The following COL15A1 variants were observed in gnomAD, a reference collection of about 807,000 sequenced individuals.
COL15A1 encodes collagen type XV alpha 1 chain, also known as collagen alpha-1(XV) chain.
Under a neutral mutation model 165.9 loss-of-function variants are expected in COL15A1, and 111 were observed. That is an observed-to-expected ratio of 0.67 (90% CI 0.57 to 0.78). The LOEUF (loss-of-function observed/expected upper bound fraction) is 0.78. Among genes scored for constraint, COL15A1 ranks in the 30% least tolerant of loss-of-function variants. The pLI is 0.00. For missense variants in COL15A1, 1,745 were observed against 1,789.7 expected (o/e 0.98, Z 0.45); for synonymous variants, 659 against 674.8 (o/e 0.98, Z 0.36).
chr9:98,947,182 G>A (rs1032676653), intron 2 of COL15A1, among the ~76,000 whole-genome samples: 4 of 152,006 alleles, frequency 2.6e-5, no homozygotes, highest in Admixed American at 2.6e-4. Flanking sequence ...AACAAATGAG[G>A]TGTATCCATT....
intron 8 of COL15A1, among the ~76,000 whole-genome samples, chr9:99,004,076 G>A (rs1838715894): frequency 6.6e-6 from 1 of 152,214 alleles, no homozygotes; most frequent in South Asian, 2.1e-4. Context: ...CAGCATACCT[G>A]TGGGGTCAAG....
intron 2 of COL15A1, among the ~76,000 whole-genome samples, chr9:98,945,381 C>G (rs757153409): frequency 6.6e-6 from 1 of 152,168 alleles, no homozygotes; most frequent in Admixed American, 6.5e-5. Context: ...AGGCTCTTGC[C>G]CTTGCTCAGC....
chr9:99,018,668 G>A (rs1055999196), intron 11 of COL15A1, among the ~76,000 whole-genome samples: 16 of 152,148 alleles, frequency 1.1e-4, no homozygotes, highest in African/African-American at 3.9e-4. Flanking sequence ...TTCAAACAAT[G>A]GAACATTATG....
rs1838737494 is a variant in COL15A1, at chr9:99,005,178, C to T, written c.1353+128C>T. On this transcript the variant is annotated intron_variant, in intron 9 of 41. Transcript: ENST00000375001. ...GCACGGGGATCTCTGACCAAATACT[C>T]ACTTGGGGGTGGAGTTTGCCAAGGC... 11 of 978,216 alleles carry T rather than the reference C, an allele frequency of 1.1e-5. No homozygotes were observed. The South Asian group carries it at 1.7e-4, about 15-fold the overall frequency. The allele number at this position is 978,216 out of a possible 1,614,324, so 60.6% of individuals were successfully genotyped here.
rs1033048662 is a variant in COL15A1 at position 99,069,693 on chromosome 9, A to G, written c.3974A>G (p.His1325Arg). 1.0e-5 allele frequency: 16 copies of G among 1,603,116 alleles called. No individual in the cohort carries two copies. The highest frequency in any genetic ancestry group is 1.4e-5 in the Non-Finnish European group (16 of 1,170,944). ...DPSWPQKVIW[H>R]GSSPHGVRLV... Reference sequence around the variant, plus strand: ...TATAGGCCCCAGAAAGTCATTTGGCATGGCTCCAGCCCCCATGGCGTCCGC... The same window carrying G: ...TATAGGCCCCAGAAAGTCATTTGGCGTGGCTCCAGCCCCCATGGCGTCCGC... Residue 1325 changes from histidine (H) to arginine (R), a missense_variant, in exon 42 of 42, where the codon CAT (histidine) becomes CGT (arginine). His to Arg is a conservative substitution (Grantham distance 29, BLOSUM62 0). Transcript: ENST00000375001.
Position 99,055,335 on chromosome 9 carries a change from C to A in COL15A1, c.3155C>A (p.Ser1052Tyr), listed in dbSNP as rs149844223. The stretch of plus-strand genomic sequence containing the variant: ...GACATTAATGGCAGCTTCCTTATGT[C>A]TGGGCCTCCAGGCCTGCCCGGAAAT... ...KGDINGSFLM[S>Y]GPPGLPGNPG... Residue 1052 changes from serine (S) to tyrosine (Y), a missense_variant, in exon 34 of 42, where the codon TCT becomes TAT. Ser to Tyr is a moderately radical substitution (Grantham distance 144, BLOSUM62 -2). Transcript: ENST00000375001. The A allele has an allele frequency of 1.2e-6, 2 of 1,613,838 alleles. No homozygotes were observed. The highest frequency in any genetic ancestry group is 1.7e-6 in the Non-Finnish European group (2 of 1,179,716).
chr9:98,963,922 T>C (rs1837906663), intron 2 of COL15A1, among the ~76,000 whole-genome samples: 1 of 152,104 alleles, frequency 6.6e-6, no homozygotes, highest in Admixed American at 6.5e-5. Context: ...TAGTCATTTG[T>C]GAATGAACAA....
In COL15A1 at chr9:99,032,276, T is replaced by C. The variant is rs571439363; in HGVS notation, c.2044-2273T>C. On this transcript the variant is annotated intron_variant, in intron 16 of 41. Transcript: ENST00000375001. ...GGTGCGATCTTGGCTCACTGCAACC[T>C]CCTCCTGGGTTCAAACGATTCTCCT... Among the ~76,000 whole-genome samples, 23 of 152,206 alleles carry C rather than the reference T, an allele frequency of 1.5e-4. 1 individual carries two copies. Among genetic ancestry groups the C allele is most frequent in the African/African-American group, 5.1e-4 (21 of 41,536 alleles).
Position 99,016,020 on chromosome 9 carries a change from G to T in COL15A1, c.1548G>T (p.Glu516Asp). 1 of 1,614,096 alleles carries T rather than the reference G, an allele frequency of 6.2e-7. No homozygotes were observed. Among genetic ancestry groups the T allele is most frequent in the Non-Finnish European group, 8.5e-7 (1 of 1,179,988 alleles). The stretch of plus-strand genomic sequence containing the variant: ...ACTTGGCAGCAGCCACAACAGAGGA[G>T]CCCCTCATCACAGCTGGGGGTGAAG... ...EEDLAAATTE[E>D]PLITAGGEES... Residue 516 changes from glutamate (E) to aspartate (D), a missense_variant, in exon 11 of 42, where the codon GAG (glutamate) becomes GAT (aspartate). Transcript: ENST00000375001.
chr9:98,986,750 G>A (rs564663013), intron 3 of COL15A1, among the ~76,000 whole-genome samples: 14 of 152,152 alleles, frequency 9.2e-5, no homozygotes, highest in Non-Finnish European at 2.1e-4. Context: ...GTGGAGTTTG[G>A]GTTTATCTGG....
chr9:99,039,222 T>A (rs1263636679), intron 22 of COL15A1, among the ~76,000 whole-genome samples: 4 of 152,220 alleles, frequency 2.6e-5, no homozygotes, highest in African/African-American at 7.2e-5. Flanking sequence ...AAATACACAT[T>A]ATTTTTGGCC....
At chr9:99,008,928 G>A (rs535692932) in intron 9 of COL15A1, among the ~76,000 whole-genome samples, 1 of 152,132 alleles carries the variant, frequency 6.6e-6, no homozygotes, top group Non-Finnish European at 1.5e-5. Flanking sequence ...GTTAAAAGCT[G>A]TAAATAGCTC....
chr9:99,044,109 G>T (rs796563778), intron 24 of COL15A1, among the ~76,000 whole-genome samples: 1 of 152,122 alleles, frequency 6.6e-6, no homozygotes, highest in South Asian at 2.1e-4. Flanking sequence ...TATTCTTGGT[G>T]GGAACAGATC....
chr9:99,043,503 G>A (rs1839446914), intron 24 of COL15A1, among the ~76,000 whole-genome samples: 1 of 152,214 alleles, frequency 6.6e-6, no homozygotes, highest in Non-Finnish European at 1.5e-5. Flanking sequence ...CAGCCGGGCA[G>A]TTCTGCTCTG....
chr9:99,025,341 C>G (rs923486684), intron 15 of COL15A1, among the ~76,000 whole-genome samples: 2 of 152,142 alleles, frequency 1.3e-5, no homozygotes, highest in South Asian at 4.1e-4. Context: ...ACCCATACAG[C>G]CATTCTGTTT....
chr9:99,029,224 C>G (rs1185315134), intron 16 of COL15A1, among the ~76,000 whole-genome samples: 1 of 152,214 alleles, frequency 6.6e-6, no homozygotes, highest in Non-Finnish European at 1.5e-5. Flanking sequence ...GGTACTGGGA[C>G]ACCTGGGCAG....
intron 16 of COL15A1, among the ~76,000 whole-genome samples, chr9:99,030,845 A>C (rs1839203946): frequency 6.6e-6 from 1 of 152,242 alleles, no homozygotes; most frequent in Non-Finnish European, 1.5e-5. Context: ...CACTTTCATT[A>C]AAGACAGTTT....
chr9:99,004,955 G>C lies in COL15A1; in HGVS notation c.1258G>C (p.Ala420Pro). 6.2e-7 allele frequency: 1 copy of C among 1,614,034 alleles called. No homozygotes were observed. The highest frequency in any genetic ancestry group is 8.5e-7 in the Non-Finnish European group (1 of 1,179,914). Residue 420 changes from alanine (A) to proline (P), a missense_variant, in exon 9 of 42, where the codon GCC becomes CCC. By Grantham distance (27) the Ala-to-Pro change is conservative. Transcript: ENST00000375001. ...ATAAGEAEALASMPGEVEASG... is the reference protein window; with the variant it reads ...ATAAGEAEALPSMPGEVEASG... Reference sequence around the variant, plus strand: ...AGCAGCAGGGGAGGCCGAGGCACTCGCCAGCATGCCTGGGGAAGTGGAGGC... The same window carrying C: ...AGCAGCAGGGGAGGCCGAGGCACTCCCCAGCATGCCTGGGGAAGTGGAGGC...
In COL15A1 at chr9:98,985,713, C is replaced by G; in HGVS notation, c.249C>G (p.Ile83Met). The G allele has an allele frequency of 1.9e-6, 3 of 1,614,240 alleles. No individual in the cohort carries two copies. Among genetic ancestry groups the G allele is most frequent in the Non-Finnish European group, 2.5e-6 (3 of 1,180,052 alleles). ...TTGGCCGCCCAGCCAGGACTCTCAT[C>G]CCATCCACCTTCTTCAGGGACTTCG... ...ANVGRPARTLIPSTFFRDFAI... is the reference protein window; with the variant it reads ...ANVGRPARTLMPSTFFRDFAI... Residue 83 changes from isoleucine to methionine, a missense_variant, in exon 3 of 42, where the codon ATC becomes ATG. Ile to Met is a conservative substitution (Grantham distance 10). Coordinates refer to ENST00000375001, the MANE Select transcript of COL15A1 (RefSeq NM_001855.5).
Sources: allele counts gnomAD v4.1 joint callset (sites outside exome capture counted in the v4.1 genomes callset), GRCh38; gene constraint gnomAD v4.1.1; transcripts MANE v1.5; gene names NCBI Gene and HGNC (gene_info 2026-07-23, HGNC 2026-07-21).